Variants in TENM2 observed in about 807,000 individuals in gnomAD.
The protein encoded by TENM2 is teneurin transmembrane protein 2, also known as teneurin-2.
In TENM2, 52 loss-of-function variants were observed where a neutral mutation model predicts 245.2. The observed-to-expected ratio is 0.21, with a 90% CI of 0.17 to 0.27. The LOEUF (loss-of-function observed/expected upper bound fraction) is 0.27, where lower values mean the gene tolerates loss of function less well. TENM2 is among the 10% of genes least tolerant of loss of function. TENM2 has a pLI of 1.00. For synonymous variants in TENM2, 1,363 were observed against 1,438.9 expected, an observed-to-expected ratio of 0.95 and a Z score of 1.19; for missense variants, 3,046 against 3,666.8, an observed-to-expected ratio of 0.83 and a Z score of 4.37.
the TENM2 span, among the ~76,000 whole-genome samples, chr5:167,156,963 A>G: frequency 3.3e-5 from 5 of 152,220 alleles, no homozygotes; most frequent in Admixed American, 2.6e-4. Context: ...ATACTGTGGT[A>G]TTTCCAACTT....
intron 13 of TENM2, among the ~76,000 whole-genome samples, chr5:168,190,030 A>G (rs1760806423): frequency 6.6e-6 from 1 of 152,228 alleles, no homozygotes; most frequent in South Asian, 2.1e-4. Context: ...TTTCCCACTC[A>G]AATAATACGT....
At chr5:167,927,615 A>G (rs1161641912) in intron 3 of TENM2, among the ~76,000 whole-genome samples, 1 of 152,144 alleles carries the variant, frequency 6.6e-6, no homozygotes, top group African/African-American at 2.4e-5. Context: ...TCCTTGAGCA[A>G]GTGGTTTGCA....
chr5:167,245,050 T>C, the TENM2 span, among the ~76,000 whole-genome samples: 72 of 152,338 alleles, frequency 4.7e-4, no homozygotes, highest in Middle Eastern at 3.4e-3. Flanking sequence ...GCTGGTTCTA[T>C]TCCGGTGTCT....
chr5:168,200,245 C>A, intron 17 of TENM2, 114 bp downstream of exon 19: 1 of 940,970 alleles, frequency 1.1e-6, no homozygotes, highest in Non-Finnish European at 1.6e-6. Flanking sequence ...GATAAGGACA[C>A]GATGGCCAAG....
chr5:167,911,331 C>A (rs1776529791), intron 3 of TENM2, among the ~76,000 whole-genome samples: 1 of 152,112 alleles, frequency 6.6e-6, no homozygotes, highest in African/African-American at 2.4e-5. Context: ...TCGAGACCAA[C>A]CTGGCTAACA....
chr5:167,705,708 T>C (rs1250867041), intron 2 of TENM2, among the ~76,000 whole-genome samples: 1 of 152,056 alleles, frequency 6.6e-6, no homozygotes, highest in Non-Finnish European at 1.5e-5. Context: ...AGAGACATTA[T>C]TAAAAATACA....
chr5:167,770,011 C>G (rs1763299889), intron 2 of TENM2, among the ~76,000 whole-genome samples: 2 of 152,182 alleles, frequency 1.3e-5, no homozygotes, highest in Non-Finnish European at 2.9e-5. Context: ...TCTGTCTTCC[C>G]AGTGTCTAGT....
intron 3 of TENM2, among the ~76,000 whole-genome samples, chr5:167,887,439 G>T (rs577256843): frequency 1.3e-5 from 2 of 152,292 alleles, no homozygotes; most frequent in Admixed American, 1.3e-4. Flanking sequence ...CTTCAGATTT[G>T]GGCCTGTTGA....
At chr5:167,116,963 G>A in the TENM2 span, among the ~76,000 whole-genome samples, 1 of 152,184 alleles carries the variant, frequency 6.6e-6, no homozygotes, top group Non-Finnish European at 1.5e-5. Context: ...TGATGAATCA[G>A]TTTTCGTTAT....
chr5:168,032,668 T>A (rs1323034974), intron 5 of TENM2, among the ~76,000 whole-genome samples: 1 of 152,064 alleles, frequency 6.6e-6, no homozygotes, highest in Non-Finnish European at 1.5e-5. Flanking sequence ...GGGAGTTAGG[T>A]CTTATGGTTT....
intron 2 of TENM2, among the ~76,000 whole-genome samples, chr5:167,823,856 A>G (rs747680665): frequency 1.3e-4 from 20 of 152,128 alleles, no homozygotes; most frequent in African/African-American, 3.1e-4. Context: ...AAAGCCTGCA[A>G]TGGGGGCTGG....
At chr5:167,718,932 G>A (rs986271803) in intron 2 of TENM2, among the ~76,000 whole-genome samples, 1 of 152,070 alleles carries the variant, frequency 6.6e-6, no homozygotes, top group Non-Finnish European at 1.5e-5. Context: ...ATAAAGCACT[G>A]AGCATAGTCC....
exon 29 of TENM2, chr5:168,262,285 G>A (rs1768266075): frequency 1.2e-6 from 2 of 1,609,256 alleles, no homozygotes; most frequent in East Asian, 4.5e-5. Flanking sequence ...CATCTGTGCT[G>A]AACAACGCCT....
At chr5:167,414,499 A>G (rs1763066056) in intron 2 of TENM2, among the ~76,000 whole-genome samples, 1 of 152,062 alleles carries the variant, frequency 6.6e-6, no homozygotes, top group Admixed American at 6.6e-5. Flanking sequence ...GAAAAACAAA[A>G]GCTAACACTC....
At chr5:167,756,161 T>C (rs1175360290) in intron 2 of TENM2, among the ~76,000 whole-genome samples, 1 of 152,206 alleles carries the variant, frequency 6.6e-6, no homozygotes, top group Non-Finnish European at 1.5e-5. Flanking sequence ...CTTATGTATA[T>C]GAACTGTGGG....
the TENM2 span, among the ~76,000 whole-genome samples, chr5:167,164,441 G>GCT: frequency 3.6e-3 from 552 of 152,278 alleles, 2 homozygotes; most frequent in African/African-American, 0.012. Flanking sequence ...TAATATTCTT[G>GCT]CTATTATGTT....
chr5:167,776,243 A>G (rs574738039), intron 2 of TENM2, among the ~76,000 whole-genome samples: 2 of 151,602 alleles, frequency 1.3e-5, no homozygotes, highest in African/African-American at 4.8e-5. Flanking sequence ...GGTTGGACTA[A>G]AAAAGTAAAG....
chr5:167,629,698 T>C (rs115175357), intron 2 of TENM2, among the ~76,000 whole-genome samples: 1 of 152,276 alleles, frequency 6.6e-6, no homozygotes, highest in Admixed American at 6.5e-5. Flanking sequence ...TAAATACATA[T>C]GTTTGGTTTT....
At chr5:167,742,784 CAAA>C (rs796154169) in intron 2 of TENM2, among the ~76,000 whole-genome samples, 2 of 133,352 alleles carry the variant, frequency 1.5e-5, no homozygotes, top group Admixed American at 7.6e-5. Flanking sequence ...CCATCTCTAC[CAAA>C]AAAAAAAAAA....
Sources: allele counts gnomAD v4.1 joint callset (sites outside exome capture counted in the v4.1 genomes callset), GRCh38; gene constraint gnomAD v4.1.1; transcripts MANE v1.5; gene names NCBI Gene and HGNC (gene_info 2026-07-23, HGNC 2026-07-21).